The following MED12L variants were observed in gnomAD, a reference collection of about 807,000 sequenced individuals.
MED12L encodes mediator of RNA polymerase II transcription subunit 12-like protein.
MED12L carries 60 observed loss-of-function variants against 281.3 expected under a neutral mutation model. That is an observed-to-expected ratio of 0.21 (90% CI 0.17 to 0.26). MED12L has a LOEUF of 0.26. Among genes scored for constraint, MED12L ranks in the 10% least tolerant of loss-of-function variants. MED12L has a pLI of 1.00. For missense variants in MED12L, 2,146 were observed against 2,680.9 expected (o/e 0.80, Z 4.41); for synonymous variants, 974 against 987.2 (o/e 0.99, Z 0.25).
intron 16 of MED12L, among the ~76,000 whole-genome samples, chr3:151,324,262 G>A (rs1484126008): frequency 6.6e-6 from 1 of 152,194 alleles, no homozygotes; most frequent in Non-Finnish European, 1.5e-5. Flanking sequence ...CACACAGCAG[G>A]CATTCAGGAA....
chr3:151,176,878 A>G (rs1454296517), intron 11 of MED12L, among the ~76,000 whole-genome samples: 1 of 152,194 alleles, frequency 6.6e-6, no homozygotes, highest in Non-Finnish European at 1.5e-5. Flanking sequence ...CTTTCTCCCC[A>G]TCTACCTTGT....
At chr3:151,165,392 A>C in intron 9 of MED12L, 28 bp from the exon 10 acceptor site, 1 of 1,586,362 alleles carries the variant, frequency 6.3e-7, no homozygotes, top group South Asian at 1.1e-5. Flanking sequence ...TTCCAAGCAC[A>C]AGTTAATTAG....
intron 11 of MED12L, among the ~76,000 whole-genome samples, chr3:151,166,906 TCTCCTGATTCGCC>T (rs1720797007): frequency 6.6e-6 from 1 of 152,062 alleles, no homozygotes. Context: ...TGAATCCTGA[TCTCCTGATTCGCC>T]TGCCTCAGCC....
intron 4 of MED12L, among the ~76,000 whole-genome samples, chr3:151,125,943 G>A (rs1395952869): frequency 1.3e-5 from 2 of 151,990 alleles, no homozygotes; most frequent in Non-Finnish European, 2.9e-5. Context: ...AATCGCCTCT[G>A]TCATGGGGTC....
intron 2 of MED12L, among the ~76,000 whole-genome samples, chr3:151,111,491 G>A (rs542597618): frequency 1.8e-4 from 28 of 152,294 alleles, no homozygotes; most frequent in Admixed American, 1.5e-3. Context: ...ATGGAGTAGG[G>A]GGTTTAAATT....
At chr3:151,162,688 C>T (rs1720154334) in intron 8 of MED12L, among the ~76,000 whole-genome samples, 1 of 152,180 alleles carries the variant, frequency 6.6e-6, no homozygotes, top group Admixed American at 6.5e-5. Flanking sequence ...ATCCTTCTGC[C>T]TTGGCTTCCC....
At chr3:151,257,740 T>C (rs779556989) in intron 16 of MED12L, among the ~76,000 whole-genome samples, 1 of 152,212 alleles carries the variant, frequency 6.6e-6, no homozygotes, top group Non-Finnish European at 1.5e-5. Flanking sequence ...AGTGTAAACA[T>C]GGTATTTATG....
chr3:151,251,841 C>T (rs1736914754), intron 16 of MED12L, among the ~76,000 whole-genome samples: 1 of 152,130 alleles, frequency 6.6e-6, no homozygotes, highest in African/African-American at 2.4e-5. Flanking sequence ...GCTTCTCAGT[C>T]TTTATTATAT....
chr3:151,206,120 T>C (rs1726324336), intron 16 of MED12L, among the ~76,000 whole-genome samples: 1 of 151,454 alleles, frequency 6.6e-6, no homozygotes, highest in Non-Finnish European at 1.5e-5. Context: ...CCACCTGCGT[T>C]AGCCCAAAGA....
intron 21 of MED12L, among the ~76,000 whole-genome samples, chr3:151,361,895 G>C (rs1317386921): frequency 6.6e-6 from 1 of 151,966 alleles, no homozygotes; most frequent in African/African-American, 2.4e-5. Flanking sequence ...GCAGCACTAG[G>C]GCTGGAAAGT....
intron 16 of MED12L, among the ~76,000 whole-genome samples, chr3:151,262,648 G>A (rs1243919665): frequency 6.6e-6 from 1 of 152,212 alleles, no homozygotes; most frequent in Non-Finnish European, 1.5e-5. Context: ...ATACAGAAAA[G>A]TAGAAAGCAG....
intron 16 of MED12L, among the ~76,000 whole-genome samples, chr3:151,288,652 G>A (rs868361334): frequency 1.5e-4 from 23 of 152,218 alleles, no homozygotes; most frequent in Non-Finnish European, 2.6e-4. Flanking sequence ...TTTTCTCTCC[G>A]TTTTTCCTTT....
At chr3:151,159,116 GAAAAC>G (rs67971838) in intron 7 of MED12L, among the ~76,000 whole-genome samples, 33,317 of 151,888 alleles carry the variant, frequency 0.22, 3,933 homozygotes, top group African/African-American at 0.32. Flanking sequence ...AAATCTCTGT[GAAAAC>G]AAAACAAATC....
chr3:151,366,434 A>G (rs1186467372), intron 23 of MED12L, among the ~76,000 whole-genome samples: 4 of 152,204 alleles, frequency 2.6e-5, no homozygotes, highest in Admixed American at 2.6e-4. Flanking sequence ...TGGGTTACAT[A>G]AGAATGTCCA....
At chr3:151,268,971 G>C (rs1372249460) in intron 16 of MED12L, among the ~76,000 whole-genome samples, 1 of 152,168 alleles carries the variant, frequency 6.6e-6, no homozygotes, top group Non-Finnish European at 1.5e-5. Context: ...TTGTGGTCTG[G>C]TTCTTGAACT....
Position 151,290,462 on chromosome 3 carries a change from G to A in MED12L, c.2251-59597G>A, listed in dbSNP as rs1229060283. On this transcript the variant is annotated intron_variant, in intron 16 of 44. Coordinates refer to ENST00000687756, the MANE Select transcript of MED12L (RefSeq NM_001393769.1). ...TTAGGAGTTTCTTGATAAATTGATG[G>A]AAAATTTTATTTAACACTGGTAGTC... 2.0e-5 allele frequency among the ~76,000 whole-genome samples: 3 copies of A among 152,114 alleles called. No homozygotes were observed. The East Asian group carries it at 5.8e-4, about 29-fold the overall frequency.
chr3:151,402,382 G>A (rs974113980), intron 39 of MED12L, among the ~76,000 whole-genome samples: 8 of 152,128 alleles, frequency 5.3e-5, no homozygotes, highest in East Asian at 1.9e-4. Flanking sequence ...AACAGTGGTC[G>A]CACTATAAAT....
chr3:151,377,380 A>G (rs983360201), intron 30 of MED12L, among the ~76,000 whole-genome samples: 9 of 152,186 alleles, frequency 5.9e-5, no homozygotes, highest in Admixed American at 1.3e-4. Context: ...AGGCTTAAAC[A>G]CCTTGAAACT....
At position 151,257,848 on chromosome 3, in the gene MED12L, A is replaced by G. The variant is rs1239553831; in HGVS notation, c.2250+64182A>G. On this transcript the variant is annotated intron_variant, in intron 16 of 44. Coordinates refer to ENST00000687756, the MANE Select transcript of MED12L (RefSeq NM_001393769.1). ...ACTTGGCTTAGATGAGAGTCACACAAATTTTTATATTCCAAGTTCCTCCTT... is the reference window on the plus strand; with the variant it reads ...ACTTGGCTTAGATGAGAGTCACACAGATTTTTATATTCCAAGTTCCTCCTT... 3.3e-5 allele frequency among the ~76,000 whole-genome samples: 5 copies of G among 152,122 alleles called. No homozygotes were observed. In the East Asian group the frequency reaches 9.6e-4, roughly 29 times the overall value.
Sources: allele counts gnomAD v4.1 joint callset (sites outside exome capture counted in the v4.1 genomes callset), GRCh38; gene constraint gnomAD v4.1.1; transcripts MANE v1.5; gene names NCBI Gene and HGNC (gene_info 2026-07-23, HGNC 2026-07-21).